Variants in ASTN2 observed in about 807,000 individuals in gnomAD.
ASTN2 encodes the protein astrotactin-2.
In ASTN2, 54 loss-of-function variants were observed where a neutral mutation model predicts 139.8. The ratio of observed to expected loss-of-function variants is 0.39; its 90% confidence interval spans 0.31 to 0.48. The LOEUF (loss-of-function observed/expected upper bound fraction) is 0.48. ASTN2 is among the 20% of genes least tolerant of loss of function. The pLI is 0.95. For synonymous variants in ASTN2, 756 were observed against 719.5 expected (o/e 1.05, Z -0.81); for missense variants, 1,565 against 1,725.1 (o/e 0.91, Z 1.64).
chr9:116,657,478 A>C (rs1446975572), intron 16 of ASTN2, among the ~76,000 whole-genome samples: 2 of 152,224 alleles, frequency 1.3e-5, no homozygotes, highest in African/African-American at 2.4e-5. Flanking sequence ...CCCTAGATGC[A>C]GAAGTTACAA....
At chr9:117,160,670 C>T (rs954584250) in intron 3 of ASTN2, among the ~76,000 whole-genome samples, 1 of 151,764 alleles carries the variant, frequency 6.6e-6, no homozygotes, top group Non-Finnish European at 1.5e-5. Context: ...TTTATATTGC[C>T]CATACCTAAA....
intron 5 of ASTN2, among the ~76,000 whole-genome samples, chr9:117,087,226 G>A (rs2132736410): frequency 1.3e-5 from 2 of 151,260 alleles, no homozygotes; most frequent in Middle Eastern, 6.8e-3. Context: ...CTTTTTGTTT[G>A]TTTGTTTGTT....
chr9:117,172,768 G>A (rs1339309936), intron 3 of ASTN2, among the ~76,000 whole-genome samples: 2 of 152,124 alleles, frequency 1.3e-5, no homozygotes, highest in African/African-American at 2.4e-5. Flanking sequence ...CATTCATCAA[G>A]GGCATACTGT....
At chr9:117,032,707 G>A (rs991097278) in intron 6 of ASTN2, among the ~76,000 whole-genome samples, 3 of 152,106 alleles carry the variant, frequency 2.0e-5, no homozygotes, top group Non-Finnish European at 4.4e-5. Flanking sequence ...CATCAAGTAG[G>A]GATGAGAGCA....
At chr9:117,083,718 G>A (rs1828488523) in intron 5 of ASTN2, among the ~76,000 whole-genome samples, 1 of 152,140 alleles carries the variant, frequency 6.6e-6, no homozygotes, top group African/African-American at 2.4e-5. Context: ...GAAAGCAAGA[G>A]AGACTGATTA....
At chr9:117,255,990 T>C (rs1343024864) in intron 2 of ASTN2, among the ~76,000 whole-genome samples, 1 of 152,116 alleles carries the variant, frequency 6.6e-6, no homozygotes, top group Non-Finnish European at 1.5e-5. Flanking sequence ...GAAAAGCAAA[T>C]TTGGTCTGAA....
chr9:117,294,722 T>G (rs1834685399), intron 1 of ASTN2, among the ~76,000 whole-genome samples: 1 of 152,202 alleles, frequency 6.6e-6, no homozygotes, highest in South Asian at 2.1e-4. Flanking sequence ...GGCAACTGTG[T>G]GTTATCGGGA....
chr9:116,636,689 A>G (rs535106448), intron 17 of ASTN2, among the ~76,000 whole-genome samples: 20 of 152,178 alleles, frequency 1.3e-4, no homozygotes, highest in African/African-American at 4.6e-4. Flanking sequence ...GAAAAAAAAA[A>G]GAAAGAAAGA....
intron 4 of ASTN2, among the ~76,000 whole-genome samples, chr9:117,140,785 C>A (rs146607650): frequency 6.6e-6 from 1 of 152,168 alleles, no homozygotes; most frequent in East Asian, 1.9e-4. Flanking sequence ...ATTCTTACAA[C>A]CCTGTGAGAC....
At chr9:116,656,811 T>G (rs1296664379) in intron 16 of ASTN2, among the ~76,000 whole-genome samples, 9 of 151,612 alleles carry the variant, frequency 5.9e-5, no homozygotes, top group Non-Finnish European at 1.3e-4. Context: ...AGCATCAGAC[T>G]AAGGGCTTCT....
chr9:116,888,866 C>T (rs910914277), intron 10 of ASTN2, among the ~76,000 whole-genome samples: 20 of 152,260 alleles, frequency 1.3e-4, no homozygotes, highest in African/African-American at 4.8e-4. Context: ...ACAATCCCCC[C>T]TCAAGGTCCC....
intron 13 of ASTN2, among the ~76,000 whole-genome samples, chr9:116,757,514 T>A (rs1829564447): frequency 6.6e-6 from 1 of 152,178 alleles, no homozygotes; most frequent in African/African-American, 2.4e-5. Context: ...ATGGGGTCTT[T>A]CTTCTGGTGT....
At chr9:116,928,420 G>T (rs1438753275) in intron 10 of ASTN2, among the ~76,000 whole-genome samples, 3 of 152,080 alleles carry the variant, frequency 2.0e-5, no homozygotes, top group Non-Finnish European at 4.4e-5. Flanking sequence ...GAAGACTAAT[G>T]GGCAGTCATA....
intron 10 of ASTN2, among the ~76,000 whole-genome samples, chr9:116,943,572 C>G (rs1464437821): frequency 6.7e-6 from 1 of 149,496 alleles, no homozygotes; most frequent in Non-Finnish European, 1.5e-5. Flanking sequence ...CCAAAAAAAG[C>G]TCTTAAAATA....
intron 19 of ASTN2, chr9:116,546,029 T>C (rs1461493810): frequency 6.6e-6 from 1 of 152,168 alleles, no homozygotes; most frequent in African/African-American, 2.4e-5. Flanking sequence ...AAGTGAACAG[T>C]GTTGCAGCTT....
At chr9:117,196,004 G>T (rs1831491477) in intron 3 of ASTN2, among the ~76,000 whole-genome samples, 2 of 152,148 alleles carry the variant, frequency 1.3e-5, no homozygotes, top group Non-Finnish European at 2.9e-5. Flanking sequence ...GCCCATGGTT[G>T]CTGTGCATTA....
intron 2 of ASTN2, among the ~76,000 whole-genome samples, chr9:117,269,381 G>A (rs973242236): frequency 1.3e-5 from 2 of 152,182 alleles, no homozygotes; most frequent in Admixed American, 6.5e-5. Context: ...AAACGCAAGA[G>A]TGCATATTTA....
intron 5 of ASTN2, among the ~76,000 whole-genome samples, chr9:117,071,726 T>C (rs1828135458): frequency 6.7e-6 from 1 of 150,286 alleles, no homozygotes; most frequent in East Asian, 2.0e-4. Context: ...CGCCGTTTCT[T>C]AAGCCGGTCT....
intron 16 of ASTN2, among the ~76,000 whole-genome samples, chr9:116,672,365 C>CAA (rs938963301): frequency 7.7e-6 from 1 of 129,992 alleles, no homozygotes; most frequent in Non-Finnish European, 1.7e-5. Context: ...GATCTTGTCT[C>CAA]AAAAAAAAAA....
Sources: allele counts gnomAD v4.1 joint callset (sites outside exome capture counted in the v4.1 genomes callset), GRCh38; gene constraint gnomAD v4.1.1; transcripts MANE v1.5; gene names NCBI Gene and HGNC (gene_info 2026-07-23, HGNC 2026-07-21).